The following BCHE variants were observed in gnomAD, a reference collection of about 807,000 sequenced individuals.
The protein encoded by BCHE is butyrylcholinesterase, also known as cholinesterase.
In BCHE, 48 loss-of-function variants were observed where a neutral mutation model predicts 51.3. The observed-to-expected ratio is 0.94, with a 90% CI of 0.74 to 1.19. BCHE has a LOEUF of 1.19. Ranked by LOEUF, BCHE falls within the 50% of genes most tolerant of loss-of-function variation. The probability of loss-of-function intolerance (pLI) is 0.00; values close to 1 mark genes in which losing one functional copy is unlikely to be tolerated. For missense variants in BCHE, 847 were observed against 708.2 expected, an observed-to-expected ratio of 1.20 and a Z score of -2.23; for synonymous variants, 251 against 238.0, an observed-to-expected ratio of 1.05 and a Z score of -0.50.
chr3:165,799,704 T>A (rs1040260889), intron 2 of BCHE, among the ~76,000 whole-genome samples: 9 of 152,046 alleles, frequency 5.9e-5, no homozygotes, highest in Non-Finnish European at 1.2e-4. Flanking sequence ...AAGTGAGCAT[T>A]GAACATTGAA....
At chr3:165,803,651 G>T (rs1454465366) in intron 2 of BCHE, among the ~76,000 whole-genome samples, 7 of 152,162 alleles carry the variant, frequency 4.6e-5, no homozygotes, top group Non-Finnish European at 1.0e-4. Context: ...CAAGTTGACA[G>T]AATTTACTGA....
At position 165,786,142 on chromosome 3, in the gene BCHE, C is replaced by T. The variant is rs114664527; in HGVS notation, c.1684+3G>A. On this transcript the variant is annotated splice_donor_region_variant and intron_variant, in intron 3 of 3. Coordinates refer to ENST00000264381, the MANE Select transcript of BCHE (RefSeq NM_000055.4). Reference sequence around the variant, plus strand: ...AATAACCAAACACTAAAAACAGACACACCTGTCATTTCCAAGACTTTTGGA... The same window carrying T: ...AATAACCAAACACTAAAAACAGACATACCTGTCATTTCCAAGACTTTTGGA... The T allele has an allele frequency of 2.9e-3, 4,685 of 1,610,876 alleles. 126 individuals carry two copies. The African/African-American group carries it at 0.056, about 19-fold the overall frequency.
At chr3:165,793,799 C>T (rs1340522118) in intron 2 of BCHE, among the ~76,000 whole-genome samples, 2 of 152,158 alleles carry the variant, frequency 1.3e-5, no homozygotes. Context: ...GTAATCCCAG[C>T]ACTTTGGGAG....
At chr3:165,815,266 G>T (rs1714270243) in intron 2 of BCHE, among the ~76,000 whole-genome samples, 2 of 151,024 alleles carry the variant, frequency 1.3e-5, no homozygotes, top group Non-Finnish European at 1.5e-5. Context: ...AAAAAAATAA[G>T]GGCAAAGGAG....
intron 2 of BCHE, among the ~76,000 whole-genome samples, chr3:165,814,010 C>T (rs923672176): frequency 5.3e-5 from 8 of 151,848 alleles, no homozygotes; most frequent in East Asian, 1.9e-4. Context: ...AGTAATTTTT[C>T]GTAAGTGTTA....
intron 2 of BCHE, among the ~76,000 whole-genome samples, chr3:165,795,527 C>A (rs543983435): frequency 2.2e-4 from 34 of 152,192 alleles, no homozygotes; most frequent in African/African-American, 7.9e-4. Context: ...ATATTTAATG[C>A]AAATATCTCA....
rs979623569 is a variant in BCHE, at chr3:165,837,358, A to G, written c.-53T>C. ...ATGGCAAAGTTTGCAAGGAGTGAAAATCATGTAATACTTCGGGGAAATGCA... is the reference window on the plus strand; with the variant it reads ...ATGGCAAAGTTTGCAAGGAGTGAAAGTCATGTAATACTTCGGGGAAATGCA... On this transcript the variant is annotated 5_prime_UTR_variant, in exon 1 of 4. Transcript: ENST00000264381. 1.2e-5 allele frequency: 15 copies of G among 1,289,614 alleles called. No homozygotes were observed. In the African/African-American group the frequency reaches 2.0e-4, roughly 17 times the overall value. 79.9% of individuals were successfully genotyped at this position (1,289,614 alleles called of 1,614,324 possible). A position where few individuals can be genotyped will look rare whatever the true frequency, so the allele number is the denominator to read the frequency against.
At chr3:165,777,677 C>A in intron 3 of BCHE, 1 of 377,864 alleles carries the variant, frequency 2.6e-6, no homozygotes, top group Middle Eastern at 3.7e-4. Context: ...ACACAGTTGA[C>A]CTTGAACAAC....
chr3:165,783,810 T>A (rs917036112), intron 3 of BCHE, among the ~76,000 whole-genome samples: 1 of 152,044 alleles, frequency 6.6e-6, no homozygotes, highest in Non-Finnish European at 1.5e-5. Flanking sequence ...TATTGAATAG[T>A]TGTATCCTTG....
chr3:165,804,376 T>C lies in BCHE; in HGVS notation c.1518-18065A>G, dbSNP rs188662562. 4.0e-5 allele frequency among the ~76,000 whole-genome samples: 6 copies of C among 149,952 alleles called. No homozygotes were observed. The East Asian group carries it at 1.1e-3, about 26-fold the overall frequency. On this transcript the variant is annotated intron_variant, in intron 2 of 3. Coordinates refer to ENST00000264381, the MANE Select transcript of BCHE (RefSeq NM_000055.4). ...TGAAGTCTTTTTTTCAGATTACATA[T>C]TTTTTTTTACAGTAGTAAAACTACA...
Position 165,807,230 on chromosome 3 carries a change from A to G in BCHE, c.1518-20919T>C, listed in dbSNP as rs940337403. ...AACCTTGAAGATTGAGGTAAATTAT[A>G]ATTGAATTATAATGTTTGTCTACCT... On this transcript the variant is annotated intron_variant, in intron 2 of 3. Transcript: ENST00000264381. Among the ~76,000 whole-genome samples the G allele has an allele frequency of 1.4e-4, 21 of 152,096 alleles. No individual in the cohort carries two copies. In the East Asian group the frequency reaches 4.1e-3, roughly 29 times the overall value.
intron 2 of BCHE, among the ~76,000 whole-genome samples, chr3:165,813,408 T>C (rs1446427914): frequency 6.6e-6 from 1 of 151,744 alleles, no homozygotes; most frequent in Non-Finnish European, 1.5e-5. Context: ...CATCTTATTC[T>C]TTTCCATTTG....
In BCHE at chr3:165,830,369, A is replaced by G. The variant is rs764841347; in HGVS notation, c.665T>C (p.Leu222Pro). 1.6e-5 allele frequency: 26 copies of G among 1,613,900 alleles called. No homozygotes were observed. The highest frequency in any genetic ancestry group is 3.3e-5 in the Admixed American group (2 of 59,954). ...AGCTGCTCCTGCACTTTCTCCAAAG[A>G]GAGTTACACTTTTAGGATTTCCACC... is the stretch of plus-strand genomic sequence containing the variant. The part of the protein sequence containing the change: ...AFGGNPKSVT[L>P]FGESAGAASV... The change falls in exon 2 of 4, where the codon CTC becomes CCC. Residue 222 changes from leucine (L) to proline (P), a missense_variant. Physicochemically the swap from Leu to Pro is moderately conservative, Grantham distance 98 (BLOSUM62 -3). Coordinates refer to ENST00000264381, the MANE Select transcript of BCHE (RefSeq NM_000055.4).
intron 3 of BCHE, among the ~76,000 whole-genome samples, chr3:165,785,263 G>A (rs1413346331): frequency 6.6e-6 from 1 of 151,764 alleles, no homozygotes; most frequent in Non-Finnish European, 1.5e-5. Context: ...GAGCAGAATA[G>A]CAAACTCTGA....
chr3:165,823,227 T>C (rs1213936366), intron 2 of BCHE, among the ~76,000 whole-genome samples: 1 of 152,136 alleles, frequency 6.6e-6, no homozygotes, highest in Non-Finnish European at 1.5e-5. Flanking sequence ...TAACCTTTAA[T>C]TTTATTAAGA....
chr3:165,801,695 C>T (rs1382842748), intron 2 of BCHE, among the ~76,000 whole-genome samples: 1 of 152,062 alleles, frequency 6.6e-6, no homozygotes, highest in Non-Finnish European at 1.5e-5. Context: ...TTATGTTGAC[C>T]TGGTATTCCA....
intron 2 of BCHE, among the ~76,000 whole-genome samples, chr3:165,822,986 A>T (rs879485235): frequency 6.6e-6 from 1 of 152,106 alleles, no homozygotes; most frequent in Admixed American, 6.6e-5. Flanking sequence ...CACATATATT[A>T]TAATATAAAA....
At chr3:165,819,474 T>A (rs1470253073) in intron 2 of BCHE, among the ~76,000 whole-genome samples, 1 of 152,156 alleles carries the variant, frequency 6.6e-6, no homozygotes, top group East Asian at 1.9e-4. Flanking sequence ...GTTTATAATT[T>A]AAAAAATTAT....
intron 3 of BCHE, chr3:165,778,635 G>A (rs1369958157): frequency 8.9e-6 from 4 of 447,720 alleles, no homozygotes; most frequent in Non-Finnish European, 1.8e-5. Flanking sequence ...CATGGTCCTG[G>A]GCCCTGACTC....
Sources: allele counts gnomAD v4.1 joint callset (sites outside exome capture counted in the v4.1 genomes callset), GRCh38; gene constraint gnomAD v4.1.1; transcripts MANE v1.5; gene names NCBI Gene and HGNC (gene_info 2026-07-23, HGNC 2026-07-21).